Variants in HIF3A observed in about 807,000 individuals in gnomAD.
HIF3A encodes hypoxia-inducible factor 3-alpha.
HIF3A carries 41 observed loss-of-function variants against 67.2 expected under a neutral mutation model. The ratio of observed to expected loss-of-function variants is 0.61; its 90% CI spans 0.48 to 0.79. The LOEUF is 0.79. Among genes scored for constraint, HIF3A ranks in the 30% least tolerant of loss-of-function variants. The probability of loss-of-function intolerance (pLI) is 0.00; values close to 1 mark genes in which losing one functional copy is unlikely to be tolerated. For synonymous variants in HIF3A, 356 were observed against 374.8 expected (o/e 0.95, Z 0.58); for missense variants, 855 against 898.0 (o/e 0.95, Z 0.61).
At position 46,320,515 on chromosome 19, in the gene HIF3A, G is replaced by A. The variant is rs371169094; in HGVS notation, c.1098G>A (p.Arg366=). ...TEQHSRRPIQ[R]GAPSQKDTPN... is the part of the protein sequence containing the mutation. ...AACACTCTCGCAGACCCATTCAGCG[G>A]GGCGCCCCCTCTCAGAAGGACACCC... Residue 366 remains arginine, a synonymous_variant, in exon 9 of 15, where the codon CGG becomes CGA. Coordinates refer to ENST00000377670, the MANE Select transcript of HIF3A (RefSeq NM_152795.4). The A allele has an allele frequency of 4.3e-6, 7 of 1,614,016 alleles. No individual in the cohort carries two copies. Among genetic ancestry groups the A allele is most frequent in the Non-Finnish European group, 5.9e-6 (7 of 1,180,018 alleles).
rs534086650 is a variant in HIF3A at position 46,341,456 on chromosome 19, T to A, written c.*1834T>A. The A allele has an allele frequency of 4.6e-5, 7 of 152,218 alleles. No homozygotes were observed. In the South Asian group the frequency reaches 1.5e-3, roughly 32 times the overall value. 9.4% of individuals were successfully genotyped at this position (152,218 alleles called of 1,614,324 possible). A position where few individuals can be genotyped will look rare whatever the true frequency, so the allele number is the denominator to read the frequency against. ...CTCAACTGATCCACCCGCCTCAGCC[T>A]CCCAAAGTGCTGAAATTACAGGAGT... On this transcript the variant is annotated 3_prime_UTR_variant, in exon 15 of 15. Coordinates refer to ENST00000377670, the MANE Select transcript of HIF3A (RefSeq NM_152795.4).
intron 6 of HIF3A, 116 bp downstream of exon 6, chr19:46,309,475 C>T (rs1439118682): frequency 9.1e-6 from 6 of 656,094 alleles, no homozygotes; most frequent in Non-Finnish European, 1.3e-5. Context: ...TCATCCATCT[C>T]TCTCTCTCTT....
Position 46,297,048 on chromosome 19 carries a change from G to T in HIF3A, c.-29G>T, listed in dbSNP as rs969427401. The T allele has an allele frequency of 7.7e-7, 1 of 1,301,550 alleles. No individual in the cohort carries two copies. The highest frequency in any genetic ancestry group is 9.9e-7 in the Non-Finnish European group (1 of 1,013,854). The allele number at this position is 1,301,550 out of a possible 1,614,324, so 80.6% of individuals were successfully genotyped here. On this transcript the variant is annotated 5_prime_UTR_variant, in exon 1 of 15. Transcript: ENST00000377670. This position sits in a 1 kb window ranked among gnomAD's most constrained non-coding sequence, Gnocchi z 4.5. Reference sequence around the variant, plus strand: ...GCCGGGGAGGGGGCTAGGGGCCTCCGAGGGCTCCGGAGCGGCGACTGGCGA... The same window carrying T: ...GCCGGGGAGGGGGCTAGGGGCCTCCTAGGGCTCCGGAGCGGCGACTGGCGA...
At chr19:46,325,153 C>T (rs1970684846) in intron 10 of HIF3A, among the ~76,000 whole-genome samples, 1 of 151,514 alleles carries the variant, frequency 6.6e-6, no homozygotes, top group Non-Finnish European at 1.5e-5. Context: ...TGTGCCACCA[C>T]ACCCAGCTAA....
chr19:46,343,195 GC>G lies in HIF3A; in HGVS notation c.*3577del, dbSNP rs1329757189. The G allele has an allele frequency of 1.3e-5, 2 of 152,874 alleles. No individual in the cohort carries two copies. Among genetic ancestry groups the G allele is most frequent in the Non-Finnish European group, 1.5e-5 (1 of 68,288 alleles). The allele number at this position is 152,874 out of a possible 1,614,324, so 9.5% of individuals were successfully genotyped here. A position where few individuals can be genotyped will look rare whatever the true frequency, so the allele number is the denominator to read the frequency against. On this transcript the variant is annotated 3_prime_UTR_variant, in exon 15 of 15. Coordinates refer to ENST00000377670, the MANE Select transcript of HIF3A (RefSeq NM_152795.4). ...CAGGAAAAGGCCTCCCCCCTTCTTA[GC>G]CCCATTTACCCCGTTTGTGGAAGGC...
intron 2 of HIF3A, 88 bp downstream of exon 2, chr19:46,304,176 G>A (rs1968605306): frequency 7.3e-6 from 9 of 1,226,470 alleles, no homozygotes; most frequent in Non-Finnish European, 9.0e-6. Flanking sequence ...CCTCCGGGAA[G>A]CCTTATTCTG....
chr19:46,303,756 C>T (rs1968543562), intron 1 of HIF3A, 142 bp from the exon 2 acceptor site: 1 of 1,502,322 alleles, frequency 6.7e-7, no homozygotes, highest in East Asian at 2.4e-5. Context: ...GCGAACTCGA[C>T]AGGGCCACAC....
chr19:46,314,730 T>C (rs562098832), intron 8 of HIF3A, among the ~76,000 whole-genome samples: 2 of 146,386 alleles, frequency 1.4e-5, no homozygotes, highest in Admixed American at 7.3e-5. Flanking sequence ...AGCTAATTTT[T>C]GTATTTTTAG....
At chr19:46,306,498 A>G (rs1220294127) in intron 3 of HIF3A, 1 of 152,248 alleles carries the variant, frequency 6.6e-6, no homozygotes, top group African/African-American at 2.4e-5. Context: ...ATGCATTTGC[A>G]TATCATCCTT....
At chr19:46,299,432 C>T (rs1467412183) in intron 1 of HIF3A, among the ~76,000 whole-genome samples, 10 of 152,166 alleles carry the variant, frequency 6.6e-5, no homozygotes, top group South Asian at 4.1e-4. Flanking sequence ...CCTGGAAATA[C>T]GGGCAGGCCG....
intron 6 of HIF3A, 197 bp from the exon 7 acceptor site, chr19:46,311,964 A>G: frequency 1.3e-6 from 1 of 758,194 alleles, no homozygotes; most frequent in Non-Finnish European, 2.4e-6. Flanking sequence ...GGGAATTAGG[A>G]TGTGGACATC....
intron 8 of HIF3A, chr19:46,313,194 T>C (rs1969614685): frequency 1.5e-6 from 1 of 659,182 alleles, no homozygotes; most frequent in Non-Finnish European, 1.9e-6. Context: ...GAGGCTGCAG[T>C]GAGCCGAGAT....
chr19:46,304,783 A>G (rs1968684624), intron 2 of HIF3A, among the ~76,000 whole-genome samples: 1 of 152,062 alleles, frequency 6.6e-6, no homozygotes, highest in Non-Finnish European at 1.5e-5. Context: ...TTACCCCCTT[A>G]GAAGTCTGTT....
rs772960512 is a variant in HIF3A at position 46,331,191 on chromosome 19, G to A, written c.1748G>A (p.Gly583Glu). Residue 583 changes from glycine (G) to glutamate (E), a missense_variant, in exon 13 of 15, where the codon GGA (glycine) becomes GAA (glutamate). By Grantham distance (98) the Gly-to-Glu change is moderately conservative. Transcript: ENST00000377670. ...CAGAGCTCAGAGGACGAGGACGAGG[G>A]AGTGGAGCTGCTGGGAGTGAGACCT... ...LAQSSEDEDE[G>E]VELLGVRPPK... 1.9e-6 allele frequency: 3 copies of A among 1,614,080 alleles called. No individual in the cohort carries two copies. Among genetic ancestry groups the A allele is most frequent in the Non-Finnish European group, 2.5e-6 (3 of 1,179,978 alleles).
chr19:46,303,765 A>C lies in HIF3A; in HGVS notation c.27-133A>C, dbSNP rs926654753. On this transcript the variant is annotated intron_variant, in intron 1 of 14. Coordinates refer to ENST00000377670, the MANE Select transcript of HIF3A (RefSeq NM_152795.4). ...AGCGCCGCGAACTCGACAGGGCCAC[A>C]CATCGAGGCCTGCGCAGCCGCGGCC... 6 of 1,494,290 alleles carry C rather than the reference A, an allele frequency of 4.0e-6. No individual in the cohort carries two copies. In the African/African-American group the frequency reaches 8.3e-5, roughly 21 times the overall value. The allele number at this position is 1,494,290 out of a possible 1,614,324, so 92.6% of individuals were successfully genotyped here. A position where few individuals can be genotyped will look rare whatever the true frequency, so the allele number is the denominator to read the frequency against.
At chr19:46,336,660 T>G (rs1167333530) in intron 14 of HIF3A, among the ~76,000 whole-genome samples, 2 of 151,466 alleles carry the variant, frequency 1.3e-5, no homozygotes, top group Admixed American at 6.6e-5. Context: ...GTGCTGGGAT[T>G]ACAGGCGTGA....
At chr19:46,299,087 C>A (rs1275574660) in intron 1 of HIF3A, among the ~76,000 whole-genome samples, 1 of 152,230 alleles carries the variant, frequency 6.6e-6, no homozygotes, top group African/African-American at 2.4e-5. Context: ...TCACCCTGAG[C>A]CCGCCAGGCC....
At chr19:46,304,684 C>A (rs936040998) in intron 2 of HIF3A, among the ~76,000 whole-genome samples, 1 of 152,112 alleles carries the variant, frequency 6.6e-6, no homozygotes, top group Non-Finnish European at 1.5e-5. Context: ...ATCCCAGGAC[C>A]CTGAAAGCGG....
chr19:46,310,256 C>T (rs1292124763), intron 6 of HIF3A, among the ~76,000 whole-genome samples: 2 of 151,120 alleles, frequency 1.3e-5, no homozygotes, highest in South Asian at 2.1e-4. Flanking sequence ...ATTTGTCAGG[C>T]GGGTGGCATA....
Sources: gnomAD v4.1 joint callset for allele counts (sites outside exome capture counted in the v4.1 genomes callset) on GRCh38, gnomAD v4.1.1 for gene constraint, Gnocchi (gnomAD v3.1) non-coding constraint, MANE v1.5 for transcripts, NCBI Gene and HGNC (gene_info 2026-07-23, HGNC 2026-07-21) for gene names.